Variants in PDE3A observed in about 807,000 individuals in gnomAD.
PDE3A encodes the protein phosphodiesterase 3A, also known as cGMP-inhibited 3',5'-cyclic phosphodiesterase 3A.
A neutral mutation model predicts 98.3 loss-of-function variants in PDE3A; 43 were observed. That is an observed-to-expected ratio of 0.44 (90% CI 0.34 to 0.56). The LOEUF (loss-of-function observed/expected upper bound fraction) is 0.56. Ranked by LOEUF, PDE3A falls within the 20% of genes least tolerant of loss-of-function variation. PDE3A has a pLI of 0.01. For synonymous variants in PDE3A, 663 were observed against 567.9 expected (o/e 1.17, Z -2.38); for missense variants, 1,427 against 1,440.7 (o/e 0.99, Z 0.15).
rs71442269 is a variant in PDE3A, at chr12:20,685,409, C to CAA, written c.*5160_*5161dup. Among the ~76,000 whole-genome samples, 5,575 of 72,954 alleles carry CAA rather than the reference C, an allele frequency of 0.076. 350 individuals carry two copies. Among genetic ancestry groups the CAA allele is most frequent in the Middle Eastern group, 0.18 (13 of 74 alleles). The allele number at this position is 72,954 out of a possible 152,430, so 47.9% of individuals were successfully genotyped here. Reference sequence around the variant, plus strand: ...GGGCAACAGGAGTTAAATTTTGCCTCAAAAAAAAAAAAAAAAAAAAAAAGA... The same window carrying CAA: ...GGGCAACAGGAGTTAAATTTTGCCTCAAAAAAAAAAAAAAAAAAAAAAAAAGA... On this transcript the variant is annotated 3_prime_UTR_variant, in exon 16 of 16. Coordinates refer to ENST00000359062, the MANE Select transcript of PDE3A (RefSeq NM_000921.5).
chr12:20,602,402 G>A (rs542615190), intron 2 of PDE3A, among the ~76,000 whole-genome samples: 1 of 152,306 alleles, frequency 6.6e-6, no homozygotes, highest in Admixed American at 6.5e-5. Context: ...TGTTACGTGA[G>A]TTCGCTAGTG....
Position 20,620,840 on chromosome 12 carries a change from G to A in PDE3A, c.1425-456G>A, listed in dbSNP as rs377256898. Among the ~76,000 whole-genome samples, 7 of 151,678 alleles carry A rather than the reference G, an allele frequency of 4.6e-5. No individual in the cohort carries two copies. In the East Asian group the frequency reaches 9.7e-4, roughly 21 times the overall value. ...GCAAAAAAAAAACACCATTATTTAT[G>A]AATGATTTCATGGTCATTCAATTTT... On this transcript the variant is annotated intron_variant, in intron 4 of 15. Transcript: ENST00000359062.
At chr12:20,575,361 AAATT>A in intron 2 of PDE3A, among the ~76,000 whole-genome samples, 1 of 152,182 alleles carries the variant, frequency 6.6e-6, no homozygotes, top group South Asian at 2.1e-4. Context: ...TTAAGCTATA[AAATT>A]AATTAAGATT....
chr12:20,375,885 T>C (rs924731072), intron 1 of PDE3A, among the ~76,000 whole-genome samples: 2 of 151,914 alleles, frequency 1.3e-5, no homozygotes, highest in African/African-American at 2.4e-5. Context: ...TCTGAAATTG[T>C]ATGCAGAACT....
intron 14 of PDE3A, 24 bp downstream of exon 14, chr12:20,650,624 G>T (rs369288907): frequency 6.9e-5 from 104 of 1,500,768 alleles, no homozygotes; most frequent in Non-Finnish European, 9.4e-5. Flanking sequence ...GTTTAATACA[G>T]CTTAATCTGT....
At position 20,552,886 on chromosome 12, in the gene PDE3A, C is replaced by T. The variant is rs1213254700; in HGVS notation, c.961-3774C>T. The T allele has an allele frequency of 1.2e-6, 2 of 1,612,216 alleles. No individual in the cohort carries two copies. Among genetic ancestry groups the T allele is most frequent in the African/African-American group, 1.3e-5 (1 of 74,880 alleles). ...CAAGGACTGCCTGGACAGATCCTTT[C>T]GGGCACAGGTGTTCAGCTGCCCTGC... On this transcript the variant is annotated intron_variant, in intron 1 of 15. Transcript: ENST00000359062. This position sits in a 1 kb window ranked among gnomAD's most constrained non-coding sequence, Gnocchi z 5.1.
chr12:20,501,444 T>G (rs2121083846), intron 1 of PDE3A, among the ~76,000 whole-genome samples: 1 of 152,302 alleles, frequency 6.6e-6, no homozygotes, highest in Middle Eastern at 3.4e-3. Context: ...ATTGAGCATT[T>G]AAACTGGTTA....
At chr12:20,447,667 G>T (rs1294447950) in intron 1 of PDE3A, among the ~76,000 whole-genome samples, 1 of 152,190 alleles carries the variant, frequency 6.6e-6, no homozygotes, top group Non-Finnish European at 1.5e-5. Flanking sequence ...TCTCCAACTG[G>T]CTGTTCATTC....
intron 6 of PDE3A, among the ~76,000 whole-genome samples, 155 bp from the exon 7 acceptor site, chr12:20,633,538 T>C (rs1592132280): frequency 6.6e-6 from 1 of 152,248 alleles, no homozygotes; most frequent in Non-Finnish European, 1.5e-5. Context: ...TCAGCATTTA[T>C]GTATCAAACA....
chr12:20,384,653 G>A (rs557067702), intron 1 of PDE3A, among the ~76,000 whole-genome samples: 2 of 151,872 alleles, frequency 1.3e-5, no homozygotes, highest in South Asian at 4.2e-4. Flanking sequence ...AACCCAGCAA[G>A]CATTAACTAT....
intron 1 of PDE3A, among the ~76,000 whole-genome samples, chr12:20,431,594 A>AACACACACACAC (rs35221225): frequency 8.2e-5 from 12 of 146,854 alleles, no homozygotes; most frequent in African/African-American, 3.0e-4. Context: ...TAGTCAGGAA[A>AACACACACACAC]ACACACACAC....
At chr12:20,586,768 A>C (rs1473310077) in intron 2 of PDE3A, among the ~76,000 whole-genome samples, 5 of 152,240 alleles carry the variant, frequency 3.3e-5, no homozygotes, top group African/African-American at 1.2e-4. Flanking sequence ...CAGCAATGTA[A>C]CTAAGCAATT....
intron 5 of PDE3A, among the ~76,000 whole-genome samples, chr12:20,624,512 T>C (rs985267209): frequency 2.0e-5 from 3 of 152,016 alleles, no homozygotes; most frequent in Admixed American, 6.6e-5. Flanking sequence ...CATGGGCAGG[T>C]GGTAGGAATG....
chr12:20,381,830 T>C (rs1332605703), intron 1 of PDE3A, among the ~76,000 whole-genome samples: 7 of 151,928 alleles, frequency 4.6e-5, no homozygotes, highest in Non-Finnish European at 7.4e-5. Flanking sequence ...ATTTGCTACA[T>C]TGTAAGCATT....
chr12:20,448,298 G>A (rs1182741965), intron 1 of PDE3A, among the ~76,000 whole-genome samples: 2 of 152,160 alleles, frequency 1.3e-5, no homozygotes, highest in Middle Eastern at 3.4e-3. Flanking sequence ...AAAATTAGCC[G>A]GGCGTAGTGC....
At chr12:20,538,295 C>A (rs985747505) in intron 1 of PDE3A, among the ~76,000 whole-genome samples, 2 of 151,986 alleles carry the variant, frequency 1.3e-5, no homozygotes, top group African/African-American at 4.8e-5. Flanking sequence ...CCCTCATGGT[C>A]GCTTTGTGTC....
intron 1 of PDE3A, among the ~76,000 whole-genome samples, chr12:20,530,900 G>A (rs1253510373): frequency 6.6e-6 from 1 of 152,126 alleles, no homozygotes; most frequent in Non-Finnish European, 1.5e-5. Flanking sequence ...AAACTTTATA[G>A]TAAGCTCAAA....
intron 15 of PDE3A, among the ~76,000 whole-genome samples, chr12:20,658,585 A>G (rs1225408099): frequency 6.6e-6 from 1 of 152,166 alleles, no homozygotes; most frequent in Non-Finnish European, 1.5e-5. Context: ...GAGCTAGTGA[A>G]AAAGTGCTGG....
intron 1 of PDE3A, among the ~76,000 whole-genome samples, chr12:20,419,262 T>C (rs1012898661): frequency 5.9e-5 from 9 of 152,098 alleles, no homozygotes; most frequent in Non-Finnish European, 1.2e-4. Context: ...TGCCGTTTCT[T>C]TTTTATTTTA....
Sources: gnomAD v4.1 joint callset for allele counts (sites outside exome capture counted in the v4.1 genomes callset) on GRCh38, gnomAD v4.1.1 for gene constraint, Gnocchi (gnomAD v3.1) non-coding constraint, MANE v1.5 for transcripts, NCBI Gene and HGNC (gene_info 2026-07-23, HGNC 2026-07-21) for gene names.